Variants in ZNF804B observed in about 807,000 individuals in gnomAD.
The protein encoded by ZNF804B is zinc finger protein 804B.
In ZNF804B, 80 loss-of-function variants were observed where a neutral mutation model predicts 101.4. The ratio of observed to expected loss-of-function variants is 0.79; its 90% CI spans 0.66 to 0.95. The LOEUF is 0.95. ZNF804B is among the 40% of genes least tolerant of loss of function. The pLI is 0.00. For missense variants in ZNF804B, 1,673 were observed against 1,561.9 expected (o/e 1.07, Z -1.20); for synonymous variants, 622 against 558.8 (o/e 1.11, Z -1.59).
intron 1 of ZNF804B, among the ~76,000 whole-genome samples, chr7:88,973,248 T>C (rs1271366004): frequency 6.6e-6 from 1 of 151,194 alleles, no homozygotes; most frequent in African/African-American, 2.4e-5. Flanking sequence ...GATATAAAGC[T>C]ATTGTCTCTG....
intron 1 of ZNF804B, among the ~76,000 whole-genome samples, chr7:89,192,276 A>AC (rs1266018191): frequency 7.3e-5 from 11 of 151,560 alleles, no homozygotes; most frequent in African/African-American, 2.7e-4. Context: ...CTCTCTTTTC[A>AC]CCCCCTTTAC....
intron 2 of ZNF804B, among the ~76,000 whole-genome samples, chr7:89,279,942 C>T (rs1392570837): frequency 6.6e-6 from 1 of 152,064 alleles, no homozygotes; most frequent in Non-Finnish European, 1.5e-5. Flanking sequence ...CACCCCAAAT[C>T]AACAGAATAT....
chr7:89,242,946 A>G (rs1044606123), intron 2 of ZNF804B, among the ~76,000 whole-genome samples: 2 of 151,866 alleles, frequency 1.3e-5, no homozygotes, highest in Non-Finnish European at 3.0e-5. Context: ...CAAAATTTTC[A>G]TATATGTTGG....
At chr7:89,189,166 T>C (rs1290483452) in intron 1 of ZNF804B, among the ~76,000 whole-genome samples, 1 of 152,182 alleles carries the variant, frequency 6.6e-6, no homozygotes. Context: ...ATTCTGACTG[T>C]GCTCTATAAA....
chr7:89,027,313 C>T (rs1788766159), intron 1 of ZNF804B, among the ~76,000 whole-genome samples: 1 of 152,018 alleles, frequency 6.6e-6, no homozygotes, highest in African/African-American at 2.4e-5. Flanking sequence ...GTCCTTAAAG[C>T]TAGCTCTCTG....
At chr7:89,034,202 A>T (rs1464627597) in intron 1 of ZNF804B, among the ~76,000 whole-genome samples, 1 of 152,144 alleles carries the variant, frequency 6.6e-6, no homozygotes, top group Non-Finnish European at 1.5e-5. Context: ...ATAGGTTAAT[A>T]AAGCAAAGTC....
At chr7:89,058,601 G>A (rs1365488570) in intron 1 of ZNF804B, among the ~76,000 whole-genome samples, 2 of 152,084 alleles carry the variant, frequency 1.3e-5, no homozygotes, top group Non-Finnish European at 1.5e-5. Flanking sequence ...GGAATGGGGG[G>A]TCTGGTAGTA....
At chr7:89,003,197 A>T (rs994089820) in intron 1 of ZNF804B, among the ~76,000 whole-genome samples, 8 of 151,940 alleles carry the variant, frequency 5.3e-5, no homozygotes, top group African/African-American at 1.4e-4. Flanking sequence ...TGTGTGATTT[A>T]TTCAGAGGCT....
At chr7:89,280,074 C>T (rs574250411) in intron 2 of ZNF804B, among the ~76,000 whole-genome samples, 1 of 152,246 alleles carries the variant, frequency 6.6e-6, no homozygotes, top group East Asian at 1.9e-4. Flanking sequence ...GACCACAGTG[C>T]AATCAAACTA....
chr7:89,307,824 C>A (rs751324477), intron 2 of ZNF804B, among the ~76,000 whole-genome samples: 14 of 151,984 alleles, frequency 9.2e-5, no homozygotes, highest in Non-Finnish European at 2.1e-4. Context: ...TCTGAAAATA[C>A]AACCCAGTTT....
chr7:89,177,925 ACT>A (rs535563231), intron 1 of ZNF804B, among the ~76,000 whole-genome samples: 217 of 141,932 alleles, frequency 1.5e-3, no homozygotes, highest in African/African-American at 5.2e-3. Flanking sequence ...ACAGAGCGAG[ACT>A]CTGTCTCAAA....
intron 1 of ZNF804B, among the ~76,000 whole-genome samples, chr7:88,949,326 TG>T (rs1217175242): frequency 6.6e-6 from 1 of 151,842 alleles, no homozygotes; most frequent in Non-Finnish European, 1.5e-5. Flanking sequence ...CTCTACTCAC[TG>T]GATGCTAATA....
intron 1 of ZNF804B, among the ~76,000 whole-genome samples, chr7:89,199,935 G>A (rs1470251678): frequency 6.8e-6 from 1 of 147,996 alleles, no homozygotes; most frequent in Non-Finnish European, 1.5e-5. Flanking sequence ...CAATATGTGT[G>A]TATATGTTAT....
chr7:88,914,603 A>G (rs978970074), intron 1 of ZNF804B, among the ~76,000 whole-genome samples: 2 of 152,174 alleles, frequency 1.3e-5, no homozygotes, highest in Non-Finnish European at 2.9e-5. Context: ...AAAATGTTCA[A>G]TTTTGGTTTC....
intron 1 of ZNF804B, among the ~76,000 whole-genome samples, chr7:88,930,579 T>C (rs190685597): frequency 6.6e-6 from 1 of 152,102 alleles, no homozygotes; most frequent in Admixed American, 6.6e-5. Flanking sequence ...GATTCATATA[T>C]TGAACTTTCA....
At chr7:88,871,977 A>G (rs576672664) in intron 1 of ZNF804B, among the ~76,000 whole-genome samples, 3 of 152,268 alleles carry the variant, frequency 2.0e-5, no homozygotes, top group East Asian at 3.9e-4. Flanking sequence ...TCAAAAAAAA[A>G]GTGAAAACTG....
At chr7:89,218,489 A>G (rs1251311696) in intron 2 of ZNF804B, among the ~76,000 whole-genome samples, 194 bp downstream of exon 2, 1 of 152,144 alleles carries the variant, frequency 6.6e-6, no homozygotes, top group Non-Finnish European at 1.5e-5. Context: ...ACTACTATAA[A>G]GCTGGAGGTA....
At chr7:89,043,036 G>C (rs1209691956) in intron 1 of ZNF804B, among the ~76,000 whole-genome samples, 1 of 151,736 alleles carries the variant, frequency 6.6e-6, no homozygotes, top group Non-Finnish European at 1.5e-5. Flanking sequence ...GACTTCTTTG[G>C]GCAGGAATTG....
At chr7:89,050,658 C>T (rs969519141) in intron 1 of ZNF804B, among the ~76,000 whole-genome samples, 9 of 152,088 alleles carry the variant, frequency 5.9e-5, no homozygotes, top group East Asian at 3.9e-4. Flanking sequence ...CGTCATCTAC[C>T]AGGGTCTTAT....
Sources: allele counts gnomAD v4.1 joint callset (sites outside exome capture counted in the v4.1 genomes callset), GRCh38; gene constraint gnomAD v4.1.1; transcripts MANE v1.5; gene names NCBI Gene and HGNC (gene_info 2026-07-23, HGNC 2026-07-21).